GLI3: variants seen among roughly 807,000 people sequenced by gnomAD.
The protein encoded by GLI3 is transcription activator GLI3.
A neutral mutation model predicts 100.8 loss-of-function variants in GLI3; 20 were observed. The observed-to-expected ratio is 0.20, with a 90% CI of 0.14 to 0.29. GLI3 has a LOEUF of 0.29. Among genes scored for constraint, GLI3 ranks in the 10% least tolerant of loss-of-function variants. GLI3 has a pLI of 1.00. For missense variants in GLI3, 2,040 were observed against 2,128.5 expected (o/e 0.96, Z 0.82); for synonymous variants, 938 against 860.5 (o/e 1.09, Z -1.58).
intron 4 of GLI3, among the ~76,000 whole-genome samples, chr7:42,058,719 G>A (rs1049951063): frequency 2.6e-5 from 4 of 152,288 alleles, no homozygotes; most frequent in Non-Finnish European, 5.9e-5. Flanking sequence ...ACAAATACAT[G>A]TTAGTCATGT....
chr7:42,190,843 C>T (rs1787813477), intron 2 of GLI3, among the ~76,000 whole-genome samples: 1 of 151,494 alleles, frequency 6.6e-6, no homozygotes, highest in Non-Finnish European at 1.5e-5. Context: ...AGACCTTATA[C>T]CAGAAAACAT....
chr7:42,216,503 C>T (rs772750212), intron 2 of GLI3, among the ~76,000 whole-genome samples: 2 of 152,096 alleles, frequency 1.3e-5, no homozygotes, highest in Non-Finnish European at 2.9e-5. Flanking sequence ...AATAACAGTG[C>T]ATCAATATTG....
At chr7:42,148,033 C>T (rs1014060430) in intron 3 of GLI3, among the ~76,000 whole-genome samples, 193 bp downstream of exon 3, 3 of 152,076 alleles carry the variant, frequency 2.0e-5, no homozygotes, top group Non-Finnish European at 4.4e-5. Flanking sequence ...GAAAACATCT[C>T]TCTCTAAAAA....
chr7:42,016,190 GA>G (rs1788755253), intron 10 of GLI3, among the ~76,000 whole-genome samples: 2 of 152,152 alleles, frequency 1.3e-5, no homozygotes, highest in Admixed American at 6.5e-5. Flanking sequence ...AACCACCGAA[GA>G]AAATTTCCAG....
At chr7:42,053,520 T>C (rs1784394062) in intron 4 of GLI3, among the ~76,000 whole-genome samples, 3 of 152,190 alleles carry the variant, frequency 2.0e-5, no homozygotes, top group African/African-American at 7.2e-5. Flanking sequence ...ATCATCAACT[T>C]GGCCTGGTAA....
chr7:42,232,042 T>C (rs1160424217), intron 1 of GLI3, among the ~76,000 whole-genome samples: 1 of 152,298 alleles, frequency 6.6e-6, no homozygotes, highest in Middle Eastern at 3.4e-3. Context: ...TAATTTAATT[T>C]TGTGGCATAA....
chr7:42,048,700 G>A lies in GLI3; in HGVS notation c.474-4C>T, dbSNP rs74536326. The A allele has an allele frequency of 6.6e-4, 1,055 of 1,603,260 alleles. 8 individuals are homozygous for A. In the East Asian group the frequency reaches 0.015, roughly 23 times the overall value. On this transcript the variant is annotated splice_region_variant and splice_polypyrimidine_tract_variant and intron_variant, in intron 4 of 14. Coordinates refer to ENST00000395925, the MANE Select transcript of GLI3 (RefSeq NM_000168.6). ...GCTACTAGATAAGGCGGAAGTCCTG[G>A]GTACAAAGAAAACCAGATACAAGGG...
intron 2 of GLI3, among the ~76,000 whole-genome samples, chr7:42,183,274 G>A (rs923120305): frequency 2.0e-5 from 3 of 151,986 alleles, no homozygotes; most frequent in African/African-American, 7.3e-5. Flanking sequence ...ATCCTTTCAG[G>A]GTATAAACAC....
chr7:42,216,933 T>C (rs995958310), intron 2 of GLI3, among the ~76,000 whole-genome samples: 19 of 152,232 alleles, frequency 1.2e-4, no homozygotes, highest in African/African-American at 4.6e-4. Context: ...TTTTAGAAGA[T>C]ATCTAAATGT....
In GLI3 at chr7:42,045,679, T is replaced by TC. The variant is rs1784231827; in HGVS notation, c.680-150dup. The TC allele has an allele frequency of 8.4e-6, 6 of 710,254 alleles. No homozygotes were observed. In the South Asian group the frequency reaches 9.2e-5, roughly 11 times the overall value. 44.0% of individuals were successfully genotyped at this position (710,254 alleles called of 1,614,324 possible). ...AAAGCTCCTTTAACTCAAATTGTGC[T>TC]CTTACTTCCATGAAACATCTTTTAT... On this transcript the variant is annotated intron_variant, in intron 5 of 14. Transcript: ENST00000395925.
At chr7:42,259,044 C>T (rs963694935) in intron 1 of GLI3, among the ~76,000 whole-genome samples, 2 of 152,194 alleles carry the variant, frequency 1.3e-5, no homozygotes, top group Non-Finnish European at 2.9e-5. Context: ...CATGGCAGAC[C>T]TCCACCACCT....
chr7:41,982,279 G>A (rs1393074043), intron 10 of GLI3, among the ~76,000 whole-genome samples: 1 of 152,170 alleles, frequency 6.6e-6, no homozygotes, highest in African/African-American at 2.4e-5. Flanking sequence ...AGGAAAAAGG[G>A]AGGCATCTCT....
In GLI3 at chr7:41,966,042, T is replaced by C. The variant is rs1397866934; in HGVS notation, c.3031A>G (p.Thr1011Ala). 2 of 1,589,738 alleles carry C rather than the reference T, an allele frequency of 1.3e-6. No individual in the cohort carries two copies. The highest frequency in any genetic ancestry group is 8.5e-7 in the Non-Finnish European group (1 of 1,174,286). ...GGCAGGGCCAGGCCCTCGGAGCCTG[T>C]CCGCACCGGGTCGCTGGCCCTCCTC... is the stretch of plus-strand genomic sequence containing the variant. ...GVRRASDPVR[T>A]GSEGLALPRV... The change falls in exon 15 of 15, where the codon ACA becomes GCA. Residue 1011 changes from threonine (T) to alanine (A), a missense_variant. Transcript: ENST00000395925. This position sits in a 1 kb window ranked among gnomAD's most constrained non-coding sequence, Gnocchi z 5.8.
At chr7:42,061,486 A>G (rs977317802) in intron 4 of GLI3, among the ~76,000 whole-genome samples, 2 of 152,176 alleles carry the variant, frequency 1.3e-5, no homozygotes, top group African/African-American at 4.8e-5. Context: ...GAGATGTCCA[A>G]CAAGGAACTA....
chr7:42,026,433 A>G, intron 7 of GLI3, 21 bp from the exon 8 acceptor site: 1 of 1,586,118 alleles, frequency 6.3e-7, no homozygotes, highest in East Asian at 2.2e-5. Flanking sequence ...GAGATAAAAA[A>G]AGACGATCAT....
At chr7:42,135,059 C>T (rs373754980) in intron 3 of GLI3, among the ~76,000 whole-genome samples, 7 of 152,134 alleles carry the variant, frequency 4.6e-5, no homozygotes, top group South Asian at 2.1e-4. Context: ...CTGAAATCAC[C>T]GTCACCAGAT....
At chr7:42,001,613 G>A (rs907991666) in intron 10 of GLI3, among the ~76,000 whole-genome samples, 8 of 152,042 alleles carry the variant, frequency 5.3e-5, no homozygotes, top group African/African-American at 1.7e-4. Context: ...TTGTTACTAA[G>A]GAACAAAGGG....
At chr7:42,041,884 A>T (rs940576826) in intron 6 of GLI3, among the ~76,000 whole-genome samples, 1 of 152,252 alleles carries the variant, frequency 6.6e-6, no homozygotes. Flanking sequence ...ACCAACTTGA[A>T]TGATAAATGT....
intron 4 of GLI3, 105 bp downstream of exon 4, chr7:42,076,647 T>A (rs1008567126): frequency 1.3e-6 from 1 of 781,462 alleles, no homozygotes; most frequent in Non-Finnish European, 2.3e-6. Flanking sequence ...TACACTTCTA[T>A]CACATCTTCA....
Sources: gnomAD v4.1 joint callset for allele counts (sites outside exome capture counted in the v4.1 genomes callset) on GRCh38, gnomAD v4.1.1 for gene constraint, Gnocchi (gnomAD v3.1) non-coding constraint, MANE v1.5 for transcripts, NCBI Gene and HGNC (gene_info 2026-07-23, HGNC 2026-07-21) for gene names.